MS4A6A: variants seen among roughly 807,000 people sequenced by gnomAD.
MS4A6A encodes membrane spanning 4-domains A6A, also known as membrane-spanning 4-domains subfamily A member 6A.
A neutral mutation model predicts 20.6 loss-of-function variants in MS4A6A; 19 were observed. The ratio of observed to expected loss-of-function variants is 0.92; its 90% CI spans 0.64 to 1.36. The LOEUF (loss-of-function observed/expected upper bound fraction) is 1.36, where lower values mean the gene tolerates loss of function less well. MS4A6A is among the 40% of genes most tolerant of loss of function. MS4A6A has a pLI of 0.00. For missense variants in MS4A6A, 272 were observed against 261.1 expected (o/e 1.04, Z -0.29); for synonymous variants, 108 against 105.0 (o/e 1.03, Z -0.17).
intron 3 of MS4A6A, chr11:60,178,649 G>C (rs1318696216): frequency 3.6e-6 from 1 of 275,552 alleles, no homozygotes; most frequent in Non-Finnish European, 7.0e-6. Flanking sequence ...GGACATAAAA[G>C]CAATGGTTAA....
rs1432023358 is a variant in MS4A6A, at chr11:60,178,298, G to A, written c.301C>T (p.Leu101=). The change falls in exon 4 of 6, where the codon CTA becomes TTA. Residue 101 remains leucine (L), a synonymous_variant. Transcript: ENST00000528851. ...AACCTTTTCTCTGTGGCGATTGATA[G>A]AGAGCCAGAGATGATAAACTAAGAT... The part of the protein sequence containing the change: ...GPFFFIISGS[L]SIATEKRLTK... 2 of 1,613,606 alleles carry A rather than the reference G, an allele frequency of 1.2e-6. No homozygotes were observed. The highest frequency in any genetic ancestry group is 1.7e-6 in the Non-Finnish European group (2 of 1,179,612).
intron 4 of MS4A6A, chr11:60,177,529 A>T (rs1856903631): frequency 6.6e-6 from 1 of 152,156 alleles, no homozygotes; most frequent in African/African-American, 2.4e-5. Context: ...TTTTTGCTGG[A>T]ATAAGGGATA....
In MS4A6A at chr11:60,175,503, C is replaced by A. The variant is rs775094011; in HGVS notation, c.448G>T (p.Glu150Ter). Residue 150 changes from glutamate (E) to a stop codon, truncating the protein, a stop_gained, in exon 5 of 6, where the codon GAG becomes TAG. Transcript: ENST00000528851. LOFTEE classifies it high-confidence loss of function. ...ATLNPASLQC[E>*]LDKNNIPTRS... Reference sequence around the variant, plus strand: ...GTTGGTATATTATTTTTGTCCAACTCACACTGCAGTGAGGCAGGATTTAAG... The same window carrying A: ...GTTGGTATATTATTTTTGTCCAACTAACACTGCAGTGAGGCAGGATTTAAG... 2.5e-6 allele frequency: 4 copies of A among 1,614,110 alleles called. No individual in the cohort carries two copies. In the South Asian group the frequency reaches 3.3e-5, roughly 13 times the overall value.
rs1263870987 is a variant in MS4A6A at position 60,180,038 on chromosome 11, T to A, written c.148-73A>T. The A allele has an allele frequency of 9.7e-6, 14 of 1,439,116 alleles. No individual in the cohort carries two copies. In the Admixed American group the frequency reaches 2.3e-4, roughly 24 times the overall value. 89.1% of individuals were successfully genotyped at this position (1,439,116 alleles called of 1,614,324 possible). ...AGACAGGGCCTTTTTGCCGCTCCCA[T>A]GGCACTAATGCATTATCGCCTTCTG... On this transcript the variant is annotated intron_variant, in intron 2 of 5. Coordinates refer to ENST00000528851, the MANE Select transcript of MS4A6A (RefSeq NM_022349.4).
chr11:60,172,745 T>C lies in MS4A6A; in HGVS notation c.*256A>G, dbSNP rs1204770526. 1 of 1,262,028 alleles carries C rather than the reference T, an allele frequency of 7.9e-7. No homozygotes were observed. The highest frequency in any genetic ancestry group is 1.5e-5 in the African/African-American group (1 of 65,582). The allele number at this position is 1,262,028 out of a possible 1,614,324, so 78.2% of individuals were successfully genotyped here. A position where few individuals can be genotyped will look rare whatever the true frequency, so the allele number is the denominator to read the frequency against. On this transcript the variant is annotated 3_prime_UTR_variant, in exon 6 of 6. Coordinates refer to ENST00000528851, the MANE Select transcript of MS4A6A (RefSeq NM_022349.4). ...TCATAGCATAATGCCAGGCCAGTCA[T>C]TTAACTTCCCAGAGTCTCATTCCCT...
chr11:60,176,353 G>A (rs1856836371), intron 4 of MS4A6A, among the ~76,000 whole-genome samples: 1 of 152,190 alleles, frequency 6.6e-6, no homozygotes, highest in South Asian at 2.1e-4. Context: ...TGAAGTCACA[G>A]TACTAGACTT....
intron 3 of MS4A6A, chr11:60,178,916 T>A (rs1856986679): frequency 2.6e-6 from 1 of 383,938 alleles, no homozygotes. Flanking sequence ...ACTATCAAAG[T>A]TCTCAAGGAA....
downstream of MS4A6A, chr11:60,171,990 T>A: frequency 1.8e-6 from 1 of 568,144 alleles, no homozygotes; most frequent in Non-Finnish European, 2.8e-6. Context: ...AATCAAGAGA[T>A]CCCCAATGAA....
chr11:60,183,011 G>C lies in MS4A6A; in HGVS notation c.-48C>G. 7.1e-7 allele frequency: 1 copy of C among 1,411,334 alleles called. No homozygotes were observed. The highest frequency in any genetic ancestry group is 1.6e-5 in the South Asian group (1 of 61,674). The allele number at this position is 1,411,334 out of a possible 1,614,324, so 87.4% of individuals were successfully genotyped here. On this transcript the variant is annotated 5_prime_UTR_variant, in exon 1 of 6. Coordinates refer to ENST00000528851, the MANE Select transcript of MS4A6A (RefSeq NM_022349.4). ...GTTGGTTCCAGCTGAGTCCTCAGAA[G>C]CTCCAAAGAGGTTTTAACTCTGGTT...
chr11:60,181,430 G>T, intron 2 of MS4A6A, 151 bp downstream of exon 2: 1 of 805,152 alleles, frequency 1.2e-6, no homozygotes, highest in Non-Finnish European at 2.0e-6. Flanking sequence ...AAAAGTTCTG[G>T]GACAGTTTTC....
At chr11:60,172,470 TTAAA>T, downstream of MS4A6A, 1 of 1,267,490 alleles carries the variant, frequency 7.9e-7, no homozygotes, top group Non-Finnish European at 9.9e-7. Flanking sequence ...TTTAATTCAG[TTAAA>T]TAAAGCCATA....
At chr11:60,179,605 T>A (rs1162033221) in intron 3 of MS4A6A, 1 of 619,944 alleles carries the variant, frequency 1.6e-6, no homozygotes, top group East Asian at 2.7e-5. Flanking sequence ...GATGATAATG[T>A]GAAGAATAAG....
In MS4A6A at chr11:60,175,496, T is replaced by C; in HGVS notation, c.455A>G (p.Asp152Gly). Residue 152 changes from aspartate (D) to glycine (G), a missense_variant, in exon 5 of 6, where the codon GAC becomes GGC. Coordinates refer to ENST00000528851, the MANE Select transcript of MS4A6A (RefSeq NM_022349.4). ...ACTTCTTGTTGGTATATTATTTTTGTCCAACTCACACTGCAGTGAGGCAGG... is the reference window on the plus strand; with the variant it reads ...ACTTCTTGTTGGTATATTATTTTTGCCCAACTCACACTGCAGTGAGGCAGG... ...LNPASLQCEL[D>G]KNNIPTRSYV... 1 of 1,614,174 alleles carries C rather than the reference T, an allele frequency of 6.2e-7. No individual in the cohort carries two copies. Among genetic ancestry groups the C allele is most frequent in the Non-Finnish European group, 8.5e-7 (1 of 1,180,014 alleles).
At chr11:60,174,905 A>AT (rs1856759726) in intron 5 of MS4A6A, among the ~76,000 whole-genome samples, 1 of 151,426 alleles carries the variant, frequency 6.6e-6, no homozygotes. Flanking sequence ...TATTGTGATC[A>AT]TTAGAAGAAG....
In MS4A6A at chr11:60,173,082, T is replaced by C. The variant is rs1856662496; in HGVS notation, c.597A>G (p.Leu199=). The C allele has an allele frequency of 1.2e-6, 2 of 1,614,128 alleles. No homozygotes were observed. Among genetic ancestry groups the C allele is most frequent in the Middle Eastern group, 1.6e-4 (1 of 6,062 alleles). Residue 199 remains leucine (L), a synonymous_variant, in exon 6 of 6, where the codon CTA becomes CTG. Coordinates refer to ENST00000528851, the MANE Select transcript of MS4A6A (RefSeq NM_022349.4). The part of the protein sequence containing the change: ...MLICTLLEFC[L]AVLTAVLRWK... ...ACCGCAGCACAGCAGTGAGCACAGC[T>C]AGGCAGAATTCCAGCAGAGTGCAAA...
chr11:60,177,662 C>T (rs187813215), intron 4 of MS4A6A, among the ~76,000 whole-genome samples: 1 of 152,244 alleles, frequency 6.6e-6, no homozygotes, highest in Non-Finnish European at 1.5e-5. Context: ...AAGTATTATA[C>T]TTCTGGTGAG....
At position 60,173,006 on chromosome 11, in the gene MS4A6A, T is replaced by G; in HGVS notation, c.673A>C (p.Thr225Pro). Residue 225 changes from threonine to proline, a missense_variant, in exon 6 of 6, where the codon ACT becomes CCT. Coordinates refer to ENST00000528851, the MANE Select transcript of MS4A6A (RefSeq NM_022349.4). ...ATAAGATACACTAGGCAAGGTTAAG[T>G]GAAGCCGGCCAGCACACTCACCCCA... ...FPGVSVLAGF[T>P] 6.2e-7 allele frequency: 1 copy of G among 1,613,994 alleles called. No individual in the cohort carries two copies. Among genetic ancestry groups the G allele is most frequent in the Non-Finnish European group, 8.5e-7 (1 of 1,179,904 alleles).
At chr11:60,177,172 T>A (rs1040224602) in intron 4 of MS4A6A, 1 of 152,238 alleles carries the variant, frequency 6.6e-6, no homozygotes, top group Admixed American at 6.5e-5. Context: ...AAGTTACATT[T>A]CATTTCCATC....
At chr11:60,183,287 T>G (rs2083836055), upstream of MS4A6A, 1 of 1,042,510 alleles carries the variant, frequency 9.6e-7, no homozygotes. Flanking sequence ...CATACAAGTT[T>G]CCTGTTGTTA....
Sources: gnomAD v4.1 joint callset for allele counts (sites outside exome capture counted in the v4.1 genomes callset) on GRCh38, gnomAD v4.1.1 for gene constraint, MANE v1.5 for transcripts, NCBI Gene and HGNC (gene_info 2026-07-23, HGNC 2026-07-21) for gene names.